ACSM2A: variants seen among roughly 807,000 people sequenced by gnomAD.
ACSM2A encodes acyl-CoA synthetase medium chain family member 2A.
In ACSM2A, 72 loss-of-function variants were observed where a neutral mutation model predicts 76.6. That is an observed-to-expected ratio of 0.94 (90% CI 0.78 to 1.14). ACSM2A has a LOEUF of 1.14. Among genes scored for constraint, ACSM2A ranks in the 50% most tolerant of loss-of-function variants. The pLI, the probability that ACSM2A is intolerant of heterozygous loss-of-function variation, is 0.00. For synonymous variants in ACSM2A, 249 were observed against 255.9 expected (o/e 0.97, Z 0.26); for missense variants, 684 against 708.5 (o/e 0.97, Z 0.39).
intron 3 of ACSM2A, among the ~76,000 whole-genome samples, chr16:20,467,397 T>C (rs940539717): frequency 2.0e-5 from 3 of 151,798 alleles, no homozygotes; most frequent in African/African-American, 4.9e-5. Context: ...CTGAGTGACA[T>C]GATCCTCCTC....
At chr16:20,472,882 G>A (rs559365364) in intron 6 of ACSM2A, among the ~76,000 whole-genome samples, 6 of 152,132 alleles carry the variant, frequency 3.9e-5, no homozygotes, top group Non-Finnish European at 7.4e-5. Flanking sequence ...CCATCCTATT[G>A]TTAATGAACT....
chr16:20,468,791 A>C (rs1393754075), intron 3 of ACSM2A, among the ~76,000 whole-genome samples: 1 of 152,246 alleles, frequency 6.6e-6, no homozygotes, highest in Non-Finnish European at 1.5e-5. Flanking sequence ...GAATAAGTCT[A>C]ATGTTTTAAG....
chr16:20,463,325 G>A (rs2012754647), intron 2 of ACSM2A, among the ~76,000 whole-genome samples: 1 of 151,626 alleles, frequency 6.6e-6, no homozygotes, highest in South Asian at 2.1e-4. Flanking sequence ...GGAAGGGCAG[G>A]AGCAAAGTGA....
Position 20,473,975 on chromosome 16 carries a change from A to C in ACSM2A, c.895-1387A>C, listed in dbSNP as rs2013573567. On this transcript the variant is annotated intron_variant, in intron 6 of 13. Coordinates refer to ENST00000573854, the MANE Select transcript of ACSM2A (RefSeq NM_001308172.2). ...GATCCCAGGTCTTTAGATAAACTCA[A>C]CCAATTGTCAACCAGAAAAATTTAA... 9.1e-6 allele frequency: 4 copies of C among 438,338 alleles called. No individual in the cohort carries two copies. The Admixed American group carries it at 9.8e-5, about 11-fold the overall frequency. 27.2% of individuals were successfully genotyped at this position (438,338 alleles called of 1,614,324 possible).
rs1055008 is a variant in ACSM2A, at chr16:20,486,829, C to T, written c.*151C>T. Reference sequence around the variant, plus strand: ...CTTGGTTATTAGCACAAAACTTTACCATGTTAGATGTTGAAAGAAGAAAGG... The same window carrying T: ...CTTGGTTATTAGCACAAAACTTTACTATGTTAGATGTTGAAAGAAGAAAGG... On this transcript the variant is annotated 3_prime_UTR_variant, in exon 14 of 14. Coordinates refer to ENST00000573854, the MANE Select transcript of ACSM2A (RefSeq NM_001308172.2). The T allele has an allele frequency of 1.1e-6, 1 of 914,452 alleles. No homozygotes were observed. Among genetic ancestry groups the T allele is most frequent in the Non-Finnish European group, 1.7e-6 (1 of 595,694 alleles). The allele number at this position is 914,452 out of a possible 1,614,324, so 56.6% of individuals were successfully genotyped here. A position where few individuals can be genotyped will look rare whatever the true frequency, so the allele number is the denominator to read the frequency against.
At chr16:20,481,248 G>A (rs1371468567) in intron 12 of ACSM2A, 2 of 332,148 alleles carry the variant, frequency 6.0e-6, no homozygotes, top group East Asian at 6.1e-5. Context: ...AAAGAAATCA[G>A]CATATCAAGA....
chr16:20,471,961 C>T (rs554673265), intron 6 of ACSM2A, among the ~76,000 whole-genome samples: 8 of 152,238 alleles, frequency 5.3e-5, no homozygotes, highest in African/African-American at 1.4e-4. Context: ...CGGGCTCTTC[C>T]GCTGGTGTCA....
rs1045665768 is a variant in ACSM2A, at chr16:20,463,263, CA to C, written c.178-2244del. On this transcript the variant is annotated intron_variant, in intron 2 of 13. Transcript: ENST00000573854. The stretch of plus-strand genomic sequence containing the variant: ...AAAAGAAATATCAGGCAAATCCAAC[CA>C]AAAAAAAAAGAGAATATTGTATTTT... Among the ~76,000 whole-genome samples, 282 of 144,952 alleles carry C rather than the reference CA, an allele frequency of 1.9e-3. 1 individual carries two copies. Among genetic ancestry groups the C allele is most frequent in the African/African-American group, 6.5e-3 (259 of 39,858 alleles).
At chr16:20,486,456 C>G in intron 13 of ACSM2A, 118 bp from the exon 14 acceptor site, 1 of 1,098,766 alleles carries the variant, frequency 9.1e-7, no homozygotes. Flanking sequence ...TTGCACAGGG[C>G]AGCTGCCCTG....
intron 12 of ACSM2A, chr16:20,482,814 T>C (rs1320729545): frequency 5.0e-6 from 2 of 397,878 alleles, no homozygotes; most frequent in Non-Finnish European, 9.0e-6. Flanking sequence ...GTCTCTATTG[T>C]TATTGGAGTA....
chr16:20,453,576 C>T lies in ACSM2A; in HGVS notation c.-9+1895C>T. The stretch of plus-strand genomic sequence containing the variant: ...TTTGAACAATATGAAATCAGTATAC[C>T]TGGAAAAAGAACAGAATATCAGTGA... On this transcript the variant is annotated intron_variant, in intron 1 of 13. Coordinates refer to ENST00000573854, the MANE Select transcript of ACSM2A (RefSeq NM_001308172.2). 2 of 124,858 alleles carry T rather than the reference C, an allele frequency of 1.6e-5. 1 individual carries two copies. The highest frequency in any genetic ancestry group is 3.3e-5 in the Non-Finnish European group (2 of 61,266). The allele number at this position is 124,858 out of a possible 1,614,324, so 7.7% of individuals were successfully genotyped here.
At chr16:20,482,968 G>A (rs1470256488) in intron 12 of ACSM2A, 90 bp from the exon 13 acceptor site, 1 of 1,559,032 alleles carries the variant, frequency 6.4e-7, no homozygotes, top group Admixed American at 1.7e-5. Context: ...AGATACAAGG[G>A]TGATGGAAGT....
At chr16:20,484,187 A>G (rs545267405) in intron 13 of ACSM2A, among the ~76,000 whole-genome samples, 2 of 150,290 alleles carry the variant, frequency 1.3e-5, no homozygotes, top group South Asian at 2.1e-4. Context: ...TGCAGGGGGG[A>G]TGGGGGAGAG....
At chr16:20,468,375 T>C (rs1037093992) in intron 3 of ACSM2A, among the ~76,000 whole-genome samples, 1 of 152,246 alleles carries the variant, frequency 6.6e-6, no homozygotes, top group Non-Finnish European at 1.5e-5. Flanking sequence ...TCTTTCTTTC[T>C]TTTATTTTTT....
chr16:20,458,202 T>G (rs2012312363), intron 1 of ACSM2A, among the ~76,000 whole-genome samples: 1 of 151,342 alleles, frequency 6.6e-6, no homozygotes, highest in Admixed American at 6.6e-5. Flanking sequence ...ATGGGTAGAA[T>G]AAATATTGTA....
chr16:20,471,013 C>T (rs2013357922), intron 4 of ACSM2A, 60 bp from the exon 5 acceptor site: 17 of 1,603,952 alleles, frequency 1.1e-5, no homozygotes, highest in Admixed American at 5.1e-5. Context: ...AAAGATGGGT[C>T]ACTTTGATAT....
chr16:20,471,033 A>G (rs755702512), intron 4 of ACSM2A, 40 bp from the exon 5 acceptor site: 7 of 1,609,786 alleles, frequency 4.3e-6, no homozygotes, highest in Non-Finnish European at 3.4e-6. Context: ...TCTGGTGTCC[A>G]GTCTAGCTCT....
intron 2 of ACSM2A, among the ~76,000 whole-genome samples, chr16:20,461,066 A>G (rs551726311): frequency 4.0e-4 from 57 of 143,278 alleles, no homozygotes; most frequent in Admixed American, 1.4e-4. Flanking sequence ...TGATCCATCA[A>G]TTGCCTTCAC....
At chr16:20,461,680 A>G (rs972645067) in intron 2 of ACSM2A, among the ~76,000 whole-genome samples, 1 of 152,216 alleles carries the variant, frequency 6.6e-6, no homozygotes, top group African/African-American at 2.4e-5. Context: ...GTGAACTCAA[A>G]TGGCCATTAA....
Sources: gnomAD v4.1 joint callset for allele counts (sites outside exome capture counted in the v4.1 genomes callset) on GRCh38, gnomAD v4.1.1 for gene constraint, MANE v1.5 for transcripts, NCBI Gene and HGNC (gene_info 2026-07-23, HGNC 2026-07-21) for gene names.